Variants in PLCB4 observed in about 807,000 individuals in gnomAD.
PLCB4 encodes the protein 1-phosphatidylinositol 4,5-bisphosphate phosphodiesterase beta-4.
PLCB4 carries 77 observed loss-of-function variants against 178.8 expected under a neutral mutation model. The observed-to-expected ratio is 0.43, with a 90% CI of 0.36 to 0.52. The LOEUF is 0.52. Ranked by LOEUF, PLCB4 falls within the 20% of genes least tolerant of loss-of-function variation. The probability of loss-of-function intolerance (pLI) is 0.00; values close to 1 mark genes in which losing one functional copy is unlikely to be tolerated. For synonymous variants in PLCB4, 496 were observed against 490.8 expected (o/e 1.01, Z -0.14); for missense variants, 1,024 against 1,453.4 (o/e 0.70, Z 4.80).
intron 1 of PLCB4, among the ~76,000 whole-genome samples, chr20:9,079,363 G>C (rs183015941): frequency 6.6e-6 from 1 of 152,214 alleles, no homozygotes; most frequent in East Asian, 1.9e-4. Context: ...CAGTGACGGG[G>C]AGTTAGTCCT....
At chr20:9,270,111 G>A (rs1391115946) in intron 3 of PLCB4, among the ~76,000 whole-genome samples, 1 of 152,066 alleles carries the variant, frequency 6.6e-6, no homozygotes, top group Non-Finnish European at 1.5e-5. Flanking sequence ...TTGTATTCAA[G>A]AGAAACTACC....
intron 1 of PLCB4, among the ~76,000 whole-genome samples, chr20:9,093,363 A>C (rs1440472084): frequency 6.6e-6 from 1 of 152,164 alleles, no homozygotes; most frequent in African/African-American, 2.4e-5. Flanking sequence ...TTTTACTGAT[A>C]AATTTGGAAG....
At chr20:9,433,461 G>A (rs1295201361) in intron 28 of PLCB4, among the ~76,000 whole-genome samples, 1 of 152,178 alleles carries the variant, frequency 6.6e-6, no homozygotes. Context: ...GTTGGATATA[G>A]CATTGGGATG....
chr20:9,161,708 T>G (rs1235728635), intron 2 of PLCB4, among the ~76,000 whole-genome samples: 2 of 152,210 alleles, frequency 1.3e-5, no homozygotes, highest in African/African-American at 4.8e-5. Flanking sequence ...TTTTTTTTCT[T>G]GGAGTAGAAT....
intron 2 of PLCB4, among the ~76,000 whole-genome samples, chr20:9,108,178 T>C (rs576182674): frequency 7.9e-5 from 12 of 152,060 alleles, no homozygotes; most frequent in Non-Finnish European, 1.8e-4. Flanking sequence ...AACCAGGAGT[T>C]AGTTGGATAT....
chr20:9,353,037 TTCTTC>T (rs2034483331), intron 7 of PLCB4, among the ~76,000 whole-genome samples: 1 of 152,238 alleles, frequency 6.6e-6, no homozygotes, highest in African/African-American at 2.4e-5. Context: ...CCCCTTTCAA[TTCTTC>T]TCTTTTAGAA....
intron 3 of PLCB4, among the ~76,000 whole-genome samples, chr20:9,230,747 A>G (rs931225650): frequency 2.0e-5 from 3 of 151,924 alleles, no homozygotes; most frequent in African/African-American, 7.3e-5. Context: ...TTTCTTCTCC[A>G]TGTGTCTCTT....
intron 2 of PLCB4, among the ~76,000 whole-genome samples, chr20:9,202,718 G>C (rs145398515): frequency 1.6e-3 from 238 of 152,164 alleles, no homozygotes; most frequent in African/African-American, 5.5e-3. Flanking sequence ...CTGCAACTTC[G>C]AATTTGTAGA....
chr20:9,356,486 C>G (rs2034834788), intron 7 of PLCB4, among the ~76,000 whole-genome samples: 1 of 152,182 alleles, frequency 6.6e-6, no homozygotes, highest in African/African-American at 2.4e-5. Flanking sequence ...AGTTCCTGCA[C>G]TGAATAGCCT....
At chr20:9,409,271 T>C in intron 24 of PLCB4, 90 bp downstream of exon 24, 1 of 1,024,900 alleles carries the variant, frequency 9.8e-7, no homozygotes, top group Non-Finnish European at 1.4e-6. Context: ...TGTGGGCATT[T>C]TTTAAAGGAA....
At chr20:9,375,121 C>T (rs1334095978) in intron 12 of PLCB4, among the ~76,000 whole-genome samples, 2 of 152,036 alleles carry the variant, frequency 1.3e-5, no homozygotes, top group African/African-American at 4.8e-5. Context: ...CTTTTCTATC[C>T]TAGTGAACTC....
In PLCB4 at chr20:9,234,157, A is replaced by G. The variant is rs562210601; in HGVS notation, c.-16+16705A>G. On this transcript the variant is annotated intron_variant, in intron 3 of 39. Coordinates refer to ENST00000378473, the MANE Select transcript of PLCB4 (RefSeq NM_001377142.1). ...CTGAGGATGACTCCCAGGGTGCCAG[A>G]TTGAACAATAGGTAGGAAATTTACT... Among the ~76,000 whole-genome samples, 300 of 152,300 alleles carry G rather than the reference A, an allele frequency of 2.0e-3. 1 individual carries two copies. Among genetic ancestry groups the G allele is most frequent in the Non-Finnish European group, 6.3e-4 (43 of 68,012 alleles).
At chr20:9,415,828 C>T (rs991767579) in intron 25 of PLCB4, among the ~76,000 whole-genome samples, 11 of 152,204 alleles carry the variant, frequency 7.2e-5, no homozygotes, top group Non-Finnish European at 1.6e-4. Context: ...TAGAACTGCA[C>T]AATTAGCACA....
chr20:9,273,871 A>C (rs971691579), intron 3 of PLCB4, among the ~76,000 whole-genome samples: 1 of 152,104 alleles, frequency 6.6e-6, no homozygotes, highest in East Asian at 1.9e-4. Context: ...ACATTTTTAG[A>C]AAAGTTAGTT....
chr20:9,137,989 T>C (rs759213350), intron 2 of PLCB4, among the ~76,000 whole-genome samples: 4 of 152,122 alleles, frequency 2.6e-5, no homozygotes, highest in Non-Finnish European at 4.4e-5. Flanking sequence ...TTAAGTGTTA[T>C]AAGTATGTAG....
At chr20:9,178,362 T>C (rs1406766914) in intron 2 of PLCB4, among the ~76,000 whole-genome samples, 7 of 152,062 alleles carry the variant, frequency 4.6e-5, no homozygotes, top group Non-Finnish European at 5.9e-5. Context: ...ATTTTGAATT[T>C]GGATCACCTT....
intron 36 of PLCB4, among the ~76,000 whole-genome samples, chr20:9,471,743 C>G (rs921812713): frequency 6.6e-6 from 1 of 152,114 alleles, no homozygotes; most frequent in Non-Finnish European, 1.5e-5. Context: ...TCTGATAGTA[C>G]TAAGAGTGGG....
At chr20:9,129,010 G>A (rs1275789794) in intron 2 of PLCB4, among the ~76,000 whole-genome samples, 1 of 152,142 alleles carries the variant, frequency 6.6e-6, no homozygotes, top group Admixed American at 6.5e-5. Flanking sequence ...ATTTCCTTGT[G>A]TTTTAAGGCT....
chr20:9,436,379 TCTCGCTCTGTTTC>T (rs2041769580), intron 29 of PLCB4, among the ~76,000 whole-genome samples: 1 of 152,224 alleles, frequency 6.6e-6, no homozygotes, highest in African/African-American at 2.4e-5. Context: ...ACAGATAGGA[TCTCGCTCTGTTTC>T]CCAGGCTGGA....
Sources: gnomAD v4.1 joint callset for allele counts (sites outside exome capture counted in the v4.1 genomes callset) on GRCh38, gnomAD v4.1.1 for gene constraint, MANE v1.5 for transcripts, NCBI Gene and HGNC (gene_info 2026-07-23, HGNC 2026-07-21) for gene names.